Variants in ASTN2 observed in about 807,000 individuals in gnomAD.
The protein encoded by ASTN2 is astrotactin 2.
A neutral mutation model predicts 139.8 loss-of-function variants in ASTN2; 54 were observed. That is an observed-to-expected ratio of 0.39 (90% CI 0.31 to 0.48). The LOEUF (loss-of-function observed/expected upper bound fraction) is 0.48. Among genes scored for constraint, ASTN2 ranks in the 20% least tolerant of loss-of-function variants. The pLI, the probability that ASTN2 is intolerant of heterozygous loss-of-function variation, is 0.95. For synonymous variants in ASTN2, 756 were observed against 719.5 expected (o/e 1.05, Z -0.81); for missense variants, 1,565 against 1,725.1 (o/e 0.91, Z 1.64).
At chr9:116,884,810 C>G (rs1197992085) in intron 10 of ASTN2, among the ~76,000 whole-genome samples, 1 of 124,678 alleles carries the variant, frequency 8.0e-6, no homozygotes, top group South Asian at 3.6e-4. Context: ...TCCGCCCCCC[C>G]CCCACCCACT....
chr9:116,687,217 G>A (rs921764255), intron 16 of ASTN2: 8 of 1,006,348 alleles, frequency 7.9e-6, no homozygotes, highest in African/African-American at 1.7e-5. Flanking sequence ...CGCGCTTGGG[G>A]CCAGCTGCAC....
chr9:116,494,623 C>T (rs1488931665), intron 19 of ASTN2, among the ~76,000 whole-genome samples: 1 of 152,170 alleles, frequency 6.6e-6, no homozygotes. Flanking sequence ...ATGGCATCAA[C>T]AACGCTAGAC....
At position 116,424,777 on chromosome 9, in the gene ASTN2, C is replaced by T. The variant is rs1346982081; in HGVS notation, c.*1074G>A. Among the ~76,000 whole-genome samples, 5 of 151,862 alleles carry T rather than the reference C, an allele frequency of 3.3e-5. No homozygotes were observed. The highest frequency in any genetic ancestry group is 4.8e-5 in the African/African-American group (2 of 41,342). On this transcript the variant is annotated 3_prime_UTR_variant, in exon 23 of 23. Coordinates refer to ENST00000313400, the MANE Select transcript of ASTN2 (RefSeq NM_001365068.1). ...TTATTTTTTGTATTGTTAGTAGAGA[C>T]GGGGTTTCACCACATTAGCCAGGCT...
At chr9:116,553,035 G>C (rs1264594956) in intron 19 of ASTN2, among the ~76,000 whole-genome samples, 1 of 152,138 alleles carries the variant, frequency 6.6e-6, no homozygotes, top group Non-Finnish European at 1.5e-5. Context: ...AGGTAAGACA[G>C]AGAATTGAAG....
chr9:116,624,309 G>GTTCA (rs1856329850), intron 17 of ASTN2, among the ~76,000 whole-genome samples: 1 of 152,108 alleles, frequency 6.6e-6, no homozygotes, highest in Non-Finnish European at 1.5e-5. Context: ...TAAGGTTTAA[G>GTTCA]TTCAGTACAC....
chr9:117,015,334 G>C (rs1386397755), intron 6 of ASTN2, among the ~76,000 whole-genome samples: 1 of 152,070 alleles, frequency 6.6e-6, no homozygotes, highest in Non-Finnish European at 1.5e-5. Context: ...TGACTTCTTT[G>C]ACAGCAAATA....
intron 2 of ASTN2, chr9:117,276,989 ATG>A (rs1834206752): frequency 6.6e-6 from 1 of 152,258 alleles, no homozygotes; most frequent in Non-Finnish European, 1.5e-5. Context: ...GTAGGTGGAC[ATG>A]AGGGCGATCT....
chr9:116,624,888 T>C (rs1486039661), intron 17 of ASTN2, among the ~76,000 whole-genome samples: 1 of 152,194 alleles, frequency 6.6e-6, no homozygotes, highest in Non-Finnish European at 1.5e-5. Flanking sequence ...ATTATCTTTT[T>C]ACCCACTGGC....
chr9:116,926,380 T>C (rs1834756094), intron 10 of ASTN2, among the ~76,000 whole-genome samples: 1 of 152,228 alleles, frequency 6.6e-6, no homozygotes, highest in Non-Finnish European at 1.5e-5. Flanking sequence ...ATCTCTTTGG[T>C]GCTATATCTT....
At chr9:117,364,268 C>T (rs938281444) in intron 1 of ASTN2, among the ~76,000 whole-genome samples, 2 of 152,070 alleles carry the variant, frequency 1.3e-5, no homozygotes, top group Non-Finnish European at 2.9e-5. Flanking sequence ...TTAGCCAAGC[C>T]GATTAATATC....
intron 19 of ASTN2, among the ~76,000 whole-genome samples, chr9:116,549,963 G>T (rs1852271536): frequency 6.6e-6 from 1 of 152,154 alleles, no homozygotes; most frequent in Non-Finnish European, 1.5e-5. Context: ...CTTATGATGT[G>T]CTCACTCTCC....
At chr9:116,501,664 G>A (rs1200661701) in intron 19 of ASTN2, among the ~76,000 whole-genome samples, 6 of 149,554 alleles carry the variant, frequency 4.0e-5, no homozygotes, top group African/African-American at 1.5e-4. Flanking sequence ...AGAACACATG[G>A]ACACAGGAAG....
chr9:116,925,373 T>C (rs967986063), intron 10 of ASTN2, among the ~76,000 whole-genome samples: 1 of 152,172 alleles, frequency 6.6e-6, no homozygotes, highest in African/African-American at 2.4e-5. Context: ...TGCCCACCTA[T>C]CATGATAGTC....
intron 10 of ASTN2, among the ~76,000 whole-genome samples, chr9:116,926,188 A>G (rs756592077): frequency 1.2e-4 from 18 of 152,118 alleles, no homozygotes; most frequent in Non-Finnish European, 2.4e-4. Flanking sequence ...CAAATACTAC[A>G]GTGTCTAAGA....
intron 1 of ASTN2, among the ~76,000 whole-genome samples, chr9:117,338,704 G>A (rs770413904): frequency 1.1e-4 from 16 of 152,018 alleles, no homozygotes; most frequent in Non-Finnish European, 1.9e-4. Context: ...CACTGAATAC[G>A]GGTGGATTAT....
At chr9:116,775,246 A>G (rs34858660) in intron 13 of ASTN2, among the ~76,000 whole-genome samples, 13 of 151,570 alleles carry the variant, frequency 8.6e-5, no homozygotes, top group African/African-American at 3.2e-4. Flanking sequence ...CAACCTCCAC[A>G]CTCTGAGATT....
intron 10 of ASTN2, among the ~76,000 whole-genome samples, chr9:116,943,644 G>A (rs903991648): frequency 8.5e-5 from 13 of 152,094 alleles, no homozygotes; most frequent in East Asian, 1.9e-4. Context: ...AAATCATCAC[G>A]GCTTCCCTAA....
intron 1 of ASTN2, among the ~76,000 whole-genome samples, chr9:117,341,550 A>T (rs1010303748): frequency 6.6e-6 from 1 of 152,222 alleles, no homozygotes; most frequent in East Asian, 1.9e-4. Context: ...GGATCTTTGT[A>T]TTCCAAACAG....
intron 19 of ASTN2, chr9:116,568,772 T>C (rs926166056): frequency 4.6e-5 from 7 of 152,134 alleles, no homozygotes; most frequent in African/African-American, 1.4e-4. Context: ...CAGGACCAAA[T>C]TGAACCAGGC....
Sources: gnomAD v4.1 joint callset for allele counts (sites outside exome capture counted in the v4.1 genomes callset) on GRCh38, gnomAD v4.1.1 for gene constraint, MANE v1.5 for transcripts, NCBI Gene and HGNC (gene_info 2026-07-23, HGNC 2026-07-21) for gene names.